PREP: variants seen among roughly 807,000 people sequenced by gnomAD.
PREP encodes the protein prolyl endopeptidase, also known as dJ355L5.1 (prolyl endopeptidase).
A neutral mutation model predicts 87.6 loss-of-function variants in PREP; 29 were observed. That is an observed-to-expected ratio of 0.33 (90% confidence interval 0.25 to 0.45). The LOEUF (loss-of-function observed/expected upper bound fraction) is 0.45. Among genes scored for constraint, PREP ranks in the 20% least tolerant of loss-of-function variants. PREP has a pLI of 1.00. For missense variants in PREP, 695 were observed against 886.5 expected, an observed-to-expected ratio of 0.78 and a Z score of 2.74; for synonymous variants, 337 against 328.6, an observed-to-expected ratio of 1.03 and a Z score of -0.28.
intron 13 of PREP, 131 bp from the exon 14 acceptor site, chr6:105,282,033 A>G (rs1770093253): frequency 8.8e-7 from 1 of 1,141,538 alleles, no homozygotes; most frequent in Non-Finnish European, 1.2e-6. Flanking sequence ...AGAGGAAACC[A>G]TCAGAAATCA....
chr6:105,401,568 C>A (rs188125927), intron 1 of PREP, among the ~76,000 whole-genome samples: 1 of 152,206 alleles, frequency 6.6e-6, no homozygotes, highest in Non-Finnish European at 1.5e-5. Context: ...TTTAGTCCAG[C>A]CTCTTTCTCC....
intron 7 of PREP, among the ~76,000 whole-genome samples, chr6:105,338,785 C>T (rs4478445): frequency 0.1 from 15,667 of 152,234 alleles, 1,114 homozygotes; most frequent in African/African-American, 0.21. Flanking sequence ...GAGCCTTGCT[C>T]GCTGCTAGCA....
intron 11 of PREP, among the ~76,000 whole-genome samples, chr6:105,285,962 G>C (rs994589295): frequency 1.3e-5 from 2 of 152,150 alleles, no homozygotes; most frequent in African/African-American, 4.8e-5. Context: ...TTTTAGTAGA[G>C]ATGGGGTTTT....
intron 2 of PREP, among the ~76,000 whole-genome samples, chr6:105,382,143 G>A (rs1023695166): frequency 2.0e-5 from 3 of 152,020 alleles, no homozygotes; most frequent in East Asian, 1.9e-4. Flanking sequence ...TACCAGAGGC[G>A]GGGGTTGGGG....
At chr6:105,370,812 A>G (rs1016067697) in intron 5 of PREP, among the ~76,000 whole-genome samples, 4 of 152,206 alleles carry the variant, frequency 2.6e-5, no homozygotes, top group African/African-American at 9.6e-5. Flanking sequence ...ATGTTCTGGA[A>G]AAGACAAAAC....
At chr6:105,401,315 C>T (rs182270520) in intron 1 of PREP, among the ~76,000 whole-genome samples, 1 of 152,296 alleles carries the variant, frequency 6.6e-6, no homozygotes, top group Non-Finnish European at 1.5e-5. Flanking sequence ...ATATTCTGAT[C>T]CTCAAGAACC....
At chr6:105,289,282 C>A (rs1770248935) in intron 10 of PREP, among the ~76,000 whole-genome samples, 1 of 152,200 alleles carries the variant, frequency 6.6e-6, no homozygotes, top group Non-Finnish European at 1.5e-5. Context: ...TCATCCCTCT[C>A]AGTGCTGGGA....
At chr6:105,292,569 A>G (rs924599036) in intron 10 of PREP, among the ~76,000 whole-genome samples, 1 of 152,212 alleles carries the variant, frequency 6.6e-6, no homozygotes, top group Admixed American at 6.5e-5. Flanking sequence ...ATTTACCACA[A>G]TGCTTAAGGG....
At chr6:105,391,099 G>A (rs968930654) in intron 2 of PREP, among the ~76,000 whole-genome samples, 7 of 149,526 alleles carry the variant, frequency 4.7e-5, no homozygotes, top group African/African-American at 1.3e-4. Flanking sequence ...GGCCGGGTGC[G>A]GTGGCTCACA....
intron 7 of PREP, among the ~76,000 whole-genome samples, chr6:105,341,533 A>C (rs999139937): frequency 2.0e-4 from 30 of 152,358 alleles, no homozygotes; most frequent in African/African-American, 7.2e-4. Flanking sequence ...GAAATAATTA[A>C]GATCAGAGAA....
At chr6:105,335,990 G>T (rs1220840089) in intron 7 of PREP, among the ~76,000 whole-genome samples, 1 of 152,224 alleles carries the variant, frequency 6.6e-6, no homozygotes, top group Non-Finnish European at 1.5e-5. Context: ...GGCTATGGTG[G>T]CTCACATCTG....
At chr6:105,357,916 T>G (rs1488976830) in intron 6 of PREP, among the ~76,000 whole-genome samples, 1 of 151,536 alleles carries the variant, frequency 6.6e-6, no homozygotes, top group Non-Finnish European at 1.5e-5. Context: ...CAATACTGTT[T>G]TTTTTTTTTT....
chr6:105,402,378 TGTAA>T, intron 1 of PREP, among the ~76,000 whole-genome samples: 1 of 152,052 alleles, frequency 6.6e-6, no homozygotes, highest in African/African-American at 2.4e-5. Flanking sequence ...GACTTTAAAG[TGTAA>T]GTTTTAAAAG....
At chr6:105,374,582 A>G (rs1772637246) in intron 4 of PREP, among the ~76,000 whole-genome samples, 1 of 139,184 alleles carries the variant, frequency 7.2e-6, no homozygotes, top group African/African-American at 2.8e-5. Context: ...GATAGGAAAA[A>G]GAAACATATT....
intron 10 of PREP, among the ~76,000 whole-genome samples, chr6:105,318,270 A>G (rs544418042): frequency 5.7e-4 from 87 of 152,304 alleles, no homozygotes; most frequent in African/African-American, 2.0e-3. Flanking sequence ...ACATAAGCAG[A>G]TAGAGGATGC....
intron 10 of PREP, chr6:105,322,765 C>T: frequency 1.9e-6 from 2 of 1,048,102 alleles, no homozygotes; most frequent in Non-Finnish European, 2.3e-6. Context: ...CAAATCCAGC[C>T]CACCACCTGT....
intron 14 of PREP, among the ~76,000 whole-genome samples, chr6:105,280,067 T>TTCAG (rs1386718289): frequency 3.3e-5 from 5 of 152,168 alleles, no homozygotes; most frequent in African/African-American, 1.2e-4. Flanking sequence ...TTAAAAAAAA[T>TTCAG]TCAGTCATTT....
intron 5 of PREP, among the ~76,000 whole-genome samples, chr6:105,372,672 A>G (rs1449524022): frequency 2.0e-5 from 3 of 152,252 alleles, no homozygotes; most frequent in Non-Finnish European, 4.4e-5. Context: ...CAGGTGACCT[A>G]TAACTTCTGA....
At chr6:105,294,706 T>G (rs1384514978) in intron 10 of PREP, among the ~76,000 whole-genome samples, 1 of 152,170 alleles carries the variant, frequency 6.6e-6, no homozygotes, top group East Asian at 1.9e-4. Context: ...ATCACCTTGG[T>G]TATACCTTGG....
Sources: allele counts gnomAD v4.1 joint callset (sites outside exome capture counted in the v4.1 genomes callset), GRCh38; gene constraint gnomAD v4.1.1; transcripts MANE v1.5; gene names NCBI Gene and HGNC (gene_info 2026-07-23, HGNC 2026-07-21).